The following DGKB variants were observed in gnomAD, a reference collection of about 807,000 sequenced individuals.
DGKB encodes 90 kDa diacylglycerol kinase.
A neutral mutation model predicts 114.3 loss-of-function variants in DGKB; 67 were observed. The ratio of observed to expected loss-of-function variants is 0.59; its 90% confidence interval spans 0.48 to 0.72. The LOEUF (loss-of-function observed/expected upper bound fraction) is 0.72. DGKB is among the 30% of genes least tolerant of loss of function. The probability of loss-of-function intolerance (pLI) is 0.00; values close to 1 mark genes in which losing one functional copy is unlikely to be tolerated. For synonymous variants in DGKB, 398 were observed against 323.1 expected, an observed-to-expected ratio of 1.23 and a Z score of -2.49; for missense variants, 907 against 975.2, an observed-to-expected ratio of 0.93 and a Z score of 0.93.
intron 23 of DGKB, among the ~76,000 whole-genome samples, chr7:14,325,646 A>C (rs1389510961): frequency 6.6e-6 from 1 of 152,218 alleles, no homozygotes; most frequent in Non-Finnish European, 1.5e-5. Flanking sequence ...ATTCTTCATT[A>C]GAACAGGTTT....
At chr7:14,754,872 A>G (rs532471442) in intron 3 of DGKB, among the ~76,000 whole-genome samples, 39 of 152,074 alleles carry the variant, frequency 2.6e-4, no homozygotes, top group Non-Finnish European at 5.0e-4. Context: ...GCCTTCCCCT[A>G]ACCTTTCTCC....
chr7:14,184,972 G>T (rs546283304), intron 23 of DGKB, among the ~76,000 whole-genome samples: 1 of 152,052 alleles, frequency 6.6e-6, no homozygotes, highest in African/African-American at 2.4e-5. Context: ...AACAAGACAA[G>T]GATGCCCACT....
intron 1 of DGKB, among the ~76,000 whole-genome samples, chr7:14,886,123 A>G (rs894810400): frequency 3.3e-5 from 5 of 151,924 alleles, no homozygotes; most frequent in Non-Finnish European, 5.9e-5. Context: ...GAAATGTAAG[A>G]GTTTGTAATT....
intron 5 of DGKB, among the ~76,000 whole-genome samples, chr7:14,729,715 A>C: frequency 6.6e-6 from 1 of 152,104 alleles, no homozygotes; most frequent in East Asian, 1.9e-4. Flanking sequence ...TCCTGTAGGC[A>C]CCTCACTCTT....
intron 13 of DGKB, among the ~76,000 whole-genome samples, chr7:14,659,910 A>G (rs1482345226): frequency 2.0e-4 from 31 of 151,950 alleles, no homozygotes; most frequent in African/African-American, 6.8e-4. Flanking sequence ...ACGTCCCATC[A>G]ATACCTAATT....
chr7:14,919,083 C>A (rs867350369), intron 1 of DGKB, among the ~76,000 whole-genome samples: 3 of 129,798 alleles, frequency 2.3e-5, no homozygotes, highest in South Asian at 3.0e-4. Context: ...CACACACACA[C>A]ACACACACAC....
intron 21 of DGKB, among the ~76,000 whole-genome samples, chr7:14,371,534 G>A (rs1817651373): frequency 6.6e-6 from 1 of 151,986 alleles, no homozygotes; most frequent in Admixed American, 6.6e-5. Context: ...TTGTTAAATT[G>A]TTTTGTTTCC....
intron 21 of DGKB, among the ~76,000 whole-genome samples, chr7:14,400,007 G>T (rs992613909): frequency 6.6e-6 from 1 of 151,808 alleles, no homozygotes; most frequent in Non-Finnish European, 1.5e-5. Flanking sequence ...TATTTTAAAA[G>T]AAGTTCTAAA....
chr7:14,962,583 T>C (rs1211880511), intron 1 of DGKB, among the ~76,000 whole-genome samples: 1 of 151,946 alleles, frequency 6.6e-6, no homozygotes, highest in East Asian at 1.9e-4. Flanking sequence ...ACATAACAGA[T>C]TAATATTTAT....
chr7:14,490,441 C>A (rs1409511867), intron 20 of DGKB, among the ~76,000 whole-genome samples: 4 of 152,102 alleles, frequency 2.6e-5, no homozygotes, highest in Admixed American at 2.6e-4. Flanking sequence ...TTCATCTAGG[C>A]AGCCACGTGC....
intron 18 of DGKB, 112 bp from the exon 19 acceptor site, chr7:14,581,063 A>G (rs1056121267): frequency 3.7e-5 from 21 of 567,754 alleles, no homozygotes; most frequent in Non-Finnish European, 6.0e-5. Context: ...AGGTACTCAT[A>G]AACAAAACAT....
chr7:14,597,818 TA>T (rs1802852118), intron 17 of DGKB, among the ~76,000 whole-genome samples: 1 of 152,234 alleles, frequency 6.6e-6, no homozygotes, highest in Admixed American at 6.5e-5. Context: ...AATAACTGAA[TA>T]ATTTACATGT....
At chr7:14,616,311 T>G (rs1297641116) in intron 15 of DGKB, among the ~76,000 whole-genome samples, 1 of 150,858 alleles carries the variant, frequency 6.6e-6, no homozygotes, top group Admixed American at 6.6e-5. Context: ...AAAACTATTA[T>G]TGGGACAACT....
At chr7:14,516,474 A>G (rs1179195897) in intron 20 of DGKB, among the ~76,000 whole-genome samples, 2 of 152,170 alleles carry the variant, frequency 1.3e-5, no homozygotes, top group Non-Finnish European at 2.9e-5. Context: ...AGCCATTCAC[A>G]TAGTAAAGAT....
At chr7:14,523,959 T>C (rs1450203375) in intron 20 of DGKB, among the ~76,000 whole-genome samples, 3 of 152,186 alleles carry the variant, frequency 2.0e-5, no homozygotes, top group African/African-American at 4.8e-5. Context: ...AGAACACCAA[T>C]CTGACCTATA....
chr7:14,359,316 T>A (rs1040835644), intron 21 of DGKB, among the ~76,000 whole-genome samples: 1 of 152,048 alleles, frequency 6.6e-6, no homozygotes, highest in East Asian at 1.9e-4. Context: ...CAAAAATTAA[T>A]TCAAGATGGA....
intron 1 of DGKB, among the ~76,000 whole-genome samples, chr7:14,970,351 C>A (rs905846694): frequency 1.3e-5 from 2 of 151,686 alleles, no homozygotes; most frequent in Non-Finnish European, 1.5e-5. Flanking sequence ...GACAATATAG[C>A]AAACAAATAG....
At chr7:14,831,549 T>A (rs1846414929) in intron 2 of DGKB, among the ~76,000 whole-genome samples, 1 of 151,996 alleles carries the variant, frequency 6.6e-6, no homozygotes, top group Non-Finnish European at 1.5e-5. Flanking sequence ...TCTCTGCTTG[T>A]GCAGATGTGA....
chr7:14,693,176 A>G (rs1390924406), intron 9 of DGKB, among the ~76,000 whole-genome samples: 2 of 152,168 alleles, frequency 1.3e-5, no homozygotes, highest in Non-Finnish European at 2.9e-5. Flanking sequence ...CTTACACCTT[A>G]AAACTCTAAA....
Sources: allele counts gnomAD v4.1 joint callset (sites outside exome capture counted in the v4.1 genomes callset), GRCh38; gene constraint gnomAD v4.1.1; transcripts MANE v1.5; gene names NCBI Gene and HGNC (gene_info 2026-07-23, HGNC 2026-07-21).